Variants in RIMS1 observed in about 807,000 individuals in gnomAD.
RIMS1 encodes regulating synaptic membrane exocytosis protein 1.
In RIMS1, 83 loss-of-function variants were observed where a neutral mutation model predicts 214.1. The ratio of observed to expected loss-of-function variants is 0.39; its 90% CI spans 0.32 to 0.47. The LOEUF is 0.47. Among genes scored for constraint, RIMS1 ranks in the 20% least tolerant of loss-of-function variants. The probability of loss-of-function intolerance (pLI) is 0.99; values close to 1 mark genes in which losing one functional copy is unlikely to be tolerated. For missense variants in RIMS1, 2,050 were observed against 2,161.8 expected, an observed-to-expected ratio of 0.95 and a Z score of 1.03; for synonymous variants, 793 against 786.8, an observed-to-expected ratio of 1.01 and a Z score of -0.13.
chr6:72,261,115 A>C lies in RIMS1; in HGVS notation c.3116+348A>C, dbSNP rs145622129. ...TTCCCACACATATTCCTGTCTAGTCACAAGAGGTCTAATCTGTGTATGGCA... is the reference window on the plus strand; with the variant it reads ...TTCCCACACATATTCCTGTCTAGTCCCAAGAGGTCTAATCTGTGTATGGCA... On this transcript the variant is annotated intron_variant, in intron 19 of 33. Coordinates refer to ENST00000521978, the MANE Select transcript of RIMS1 (RefSeq NM_014989.7). 7.6e-6 allele frequency: 9 copies of C among 1,183,446 alleles called. No homozygotes were observed. The East Asian group carries it at 4.0e-4, about 53-fold the overall frequency. The allele number at this position is 1,183,446 out of a possible 1,614,324, so 73.3% of individuals were successfully genotyped here. A position where few individuals can be genotyped will look rare whatever the true frequency, so the allele number is the denominator to read the frequency against.
At chr6:72,362,714 A>G (rs765064364) in intron 29 of RIMS1, among the ~76,000 whole-genome samples, 66 of 152,310 alleles carry the variant, frequency 4.3e-4, no homozygotes, top group Non-Finnish European at 8.4e-4. Context: ...ACTCTTGTCA[A>G]AATTTTGTCT....
chr6:71,958,099 G>A (rs1207167987), intron 1 of RIMS1, among the ~76,000 whole-genome samples: 1 of 152,050 alleles, frequency 6.6e-6, no homozygotes, highest in African/African-American at 2.4e-5. Context: ...GCTTAAACGA[G>A]TCCCTATCAT....
intron 1 of RIMS1, among the ~76,000 whole-genome samples, chr6:71,898,859 T>C (rs947130950): frequency 1.3e-5 from 2 of 152,132 alleles, no homozygotes; most frequent in African/African-American, 4.8e-5. Flanking sequence ...ACAGTGGTTT[T>C]TTTCCACCGT....
intron 1 of RIMS1, among the ~76,000 whole-genome samples, chr6:71,936,769 G>C (rs1218220319): frequency 6.6e-6 from 1 of 152,170 alleles, no homozygotes; most frequent in African/African-American, 2.4e-5. Flanking sequence ...CATCCGTTTT[G>C]TAAAACTGAT....
chr6:72,190,388 G>A (rs539199808), intron 6 of RIMS1, among the ~76,000 whole-genome samples: 15 of 150,236 alleles, frequency 1.0e-4, no homozygotes, highest in African/African-American at 2.7e-4. Flanking sequence ...ATTTGAACCC[G>A]GGAGGCAGAG....
intron 1 of RIMS1, among the ~76,000 whole-genome samples, chr6:71,900,763 C>T (rs962974725): frequency 1.4e-4 from 21 of 151,962 alleles, no homozygotes; most frequent in Admixed American, 6.6e-4. Context: ...TTGAGAAATC[C>T]GAGAGAGATA....
chr6:72,340,298 A>C (rs1459383759), intron 29 of RIMS1, among the ~76,000 whole-genome samples: 3 of 151,362 alleles, frequency 2.0e-5, no homozygotes, highest in Admixed American at 6.6e-5. Flanking sequence ...ATTAGATCCC[A>C]TTTGTCAATT....
intron 2 of RIMS1, among the ~76,000 whole-genome samples, chr6:72,009,989 T>C (rs1390881770): frequency 6.6e-6 from 1 of 152,142 alleles, no homozygotes; most frequent in Non-Finnish European, 1.5e-5. Context: ...GGCAGCATCA[T>C]CCTCATACCA....
At chr6:71,978,794 A>G (rs1230761985) in intron 2 of RIMS1, among the ~76,000 whole-genome samples, 1 of 152,138 alleles carries the variant, frequency 6.6e-6, no homozygotes, top group African/African-American at 2.4e-5. Flanking sequence ...TACCACCTGC[A>G]GTAGGGATCA....
At chr6:72,019,887 G>A (rs984717196) in intron 2 of RIMS1, among the ~76,000 whole-genome samples, 2 of 152,276 alleles carry the variant, frequency 1.3e-5, no homozygotes, top group African/African-American at 4.8e-5. Flanking sequence ...TGGTCCTAAT[G>A]TGGTATTCAC....
chr6:72,353,245 A>G (rs2097525372), intron 29 of RIMS1, among the ~76,000 whole-genome samples: 1 of 152,012 alleles, frequency 6.6e-6, no homozygotes, highest in South Asian at 2.1e-4. Flanking sequence ...TCAGCCTCCC[A>G]AAGTGCTGGG....
chr6:72,006,785 C>A (rs1807845306), intron 2 of RIMS1, among the ~76,000 whole-genome samples: 1 of 152,230 alleles, frequency 6.6e-6, no homozygotes, highest in South Asian at 2.1e-4. Context: ...GGAGGGGCGC[C>A]TGCCATTGCT....
At chr6:72,123,510 C>A (rs999575987) in intron 4 of RIMS1, among the ~76,000 whole-genome samples, 1 of 151,794 alleles carries the variant, frequency 6.6e-6, no homozygotes, top group Non-Finnish European at 1.5e-5. Flanking sequence ...GAGCTGAGTT[C>A]AATTCCTGGA....
intron 4 of RIMS1, among the ~76,000 whole-genome samples, chr6:72,124,795 A>G (rs2039161440): frequency 6.6e-6 from 1 of 151,976 alleles, no homozygotes; most frequent in Non-Finnish European, 1.5e-5. Context: ...TGCATATATC[A>G]CATAGTTCTC....
intron 2 of RIMS1, among the ~76,000 whole-genome samples, chr6:72,056,393 A>G (rs1296024836): frequency 1.3e-5 from 2 of 152,214 alleles, no homozygotes; most frequent in Non-Finnish European, 2.9e-5. Context: ...ACAAACCTGT[A>G]CATGTAACCC....
At chr6:72,271,476 G>A (rs2083356846) in intron 22 of RIMS1, among the ~76,000 whole-genome samples, 1 of 151,378 alleles carries the variant, frequency 6.6e-6, no homozygotes, top group African/African-American at 2.4e-5. Context: ...TTTAATTTGT[G>A]CTATTTATGG....
chr6:72,391,331 T>G (rs1564818176), intron 30 of RIMS1, among the ~76,000 whole-genome samples: 4 of 151,820 alleles, frequency 2.6e-5, no homozygotes. Flanking sequence ...TTTTAAAAAT[T>G]TACTCTTTTC....
rs115666543 is a variant in RIMS1 at position 72,210,348 on chromosome 6, A to G, written c.1679-23425A>G. 5.3e-3 allele frequency among the ~76,000 whole-genome samples: 814 copies of G among 152,310 alleles called. 5 individuals carry two copies. Among genetic ancestry groups the G allele is most frequent in the African/African-American group, 0.018 (759 of 41,576 alleles). On this transcript the variant is annotated intron_variant, in intron 6 of 33. Transcript: ENST00000521978. ...CTAACTTTAGCTAAAAATGTCCTCAATGCAGGACTTCTGACCACCTTTTCT... is the reference window on the plus strand; with the variant it reads ...CTAACTTTAGCTAAAAATGTCCTCAGTGCAGGACTTCTGACCACCTTTTCT...
chr6:72,283,001 A>G (rs1288369136), intron 23 of RIMS1, among the ~76,000 whole-genome samples: 1 of 152,032 alleles, frequency 6.6e-6, no homozygotes, highest in Non-Finnish European at 1.5e-5. Flanking sequence ...CAGCCTGTGA[A>G]GGCTTGTACC....
Sources: allele counts gnomAD v4.1 joint callset (sites outside exome capture counted in the v4.1 genomes callset), GRCh38; gene constraint gnomAD v4.1.1; transcripts MANE v1.5; gene names NCBI Gene and HGNC (gene_info 2026-07-23, HGNC 2026-07-21).